ERBB4: variants seen among roughly 807,000 people sequenced by gnomAD.
ERBB4 encodes the protein erb-b2 receptor tyrosine kinase 4.
Under a neutral mutation model 158.0 loss-of-function variants are expected in ERBB4, and 42 were observed. The observed-to-expected ratio is 0.27, with a 90% confidence interval of 0.21 to 0.34. The LOEUF is 0.34. Among genes scored for constraint, ERBB4 ranks in the 10% least tolerant of loss-of-function variants. ERBB4 has a pLI of 1.00. For missense variants in ERBB4, 1,333 were observed against 1,624.1 expected (o/e 0.82, Z 3.08); for synonymous variants, 583 against 558.7 (o/e 1.04, Z -0.61).
chr2:211,848,126 C>T (rs1350457203), intron 3 of ERBB4, among the ~76,000 whole-genome samples: 1 of 151,930 alleles, frequency 6.6e-6, no homozygotes, highest in African/African-American at 2.4e-5. Flanking sequence ...GCCTGTTTGT[C>T]CCAAGTTATT....
At chr2:212,011,796 C>T (rs2070241034) in intron 2 of ERBB4, among the ~76,000 whole-genome samples, 1 of 151,502 alleles carries the variant, frequency 6.6e-6, no homozygotes, top group African/African-American at 2.4e-5. Context: ...ATGTGAACTT[C>T]CTTCAGAAGG....
chr2:212,087,012 C>T (rs2078634901), intron 2 of ERBB4, among the ~76,000 whole-genome samples: 1 of 151,998 alleles, frequency 6.6e-6, no homozygotes, highest in Non-Finnish European at 1.5e-5. Context: ...CTAGTCACAT[C>T]CACTTATATT....
intron 2 of ERBB4, among the ~76,000 whole-genome samples, chr2:212,022,544 G>C (rs1263101240): frequency 1.3e-5 from 2 of 151,980 alleles, no homozygotes; most frequent in Non-Finnish European, 2.9e-5. Context: ...GGAGTGTAGA[G>C]TGGGGAGAGC....
intron 17 of ERBB4, among the ~76,000 whole-genome samples, chr2:211,629,360 A>G (rs2070005309): frequency 6.6e-6 from 1 of 151,718 alleles, no homozygotes; most frequent in African/African-American, 2.4e-5. Flanking sequence ...GACCTCTTCA[A>G]GGAGATCTAC....
chr2:212,221,494 C>T (rs2083289086), intron 1 of ERBB4, among the ~76,000 whole-genome samples: 1 of 151,482 alleles, frequency 6.6e-6, no homozygotes, highest in Non-Finnish European at 1.5e-5. Context: ...AGACATCTCA[C>T]TGAGTTTCAG....
intron 2 of ERBB4, among the ~76,000 whole-genome samples, chr2:211,973,777 C>A (rs1292004307): frequency 6.6e-6 from 1 of 152,110 alleles, no homozygotes; most frequent in African/African-American, 2.4e-5. Context: ...ATAGCACATG[C>A]ATGTGTATGT....
rs2062548970 is a variant in ERBB4 at position 211,380,051 on chromosome 2, T to G, written c.*3564A>C. The G allele has an allele frequency of 8.6e-6, 2 of 231,972 alleles. No individual in the cohort carries two copies. The highest frequency in any genetic ancestry group is 1.8e-4 in the South Asian group (1 of 5,522). 14.4% of individuals were successfully genotyped at this position (231,972 alleles called of 1,614,324 possible). ...TATAACACTTAAACACTATTCCTTCTCTTAAATTAGATATTCAGTCCTTCT... is the reference window on the plus strand; with the variant it reads ...TATAACACTTAAACACTATTCCTTCGCTTAAATTAGATATTCAGTCCTTCT... On this transcript the variant is annotated 3_prime_UTR_variant, in exon 28 of 28. Coordinates refer to ENST00000342788, the MANE Select transcript of ERBB4 (RefSeq NM_005235.3).
chr2:212,296,657 C>T (rs1027559603), intron 1 of ERBB4, among the ~76,000 whole-genome samples: 2 of 151,938 alleles, frequency 1.3e-5, no homozygotes, highest in Non-Finnish European at 2.9e-5. Context: ...ACCCTCTGGA[C>T]TGCATCTTGT....
At chr2:212,225,238 A>C (rs1445104189) in intron 1 of ERBB4, among the ~76,000 whole-genome samples, 1 of 152,108 alleles carries the variant, frequency 6.6e-6, no homozygotes, top group African/African-American at 2.4e-5. Context: ...TAAAATTAGA[A>C]AGTGAAAAAT....
chr2:211,990,523 A>T (rs61184677), intron 2 of ERBB4, among the ~76,000 whole-genome samples: 12,188 of 134,422 alleles, frequency 0.091, 717 homozygotes, highest in Admixed American at 0.18. Flanking sequence ...AATAAAAATA[A>T]AAATAAATAA....
chr2:211,814,459 A>G (rs2076832966), intron 3 of ERBB4, among the ~76,000 whole-genome samples: 1 of 152,170 alleles, frequency 6.6e-6, no homozygotes, highest in East Asian at 1.9e-4. Context: ...CTAATATTGT[A>G]GCAAATTGCA....
At chr2:212,069,882 C>T (rs181206458) in intron 2 of ERBB4, among the ~76,000 whole-genome samples, 38 of 151,948 alleles carry the variant, frequency 2.5e-4, no homozygotes, top group African/African-American at 9.2e-4. Flanking sequence ...CTTTGGGAGG[C>T]TGAGGTGAGA....
intron 19 of ERBB4, among the ~76,000 whole-genome samples, chr2:211,580,906 T>C (rs1266025217): frequency 0.15 from 283 of 1,926 alleles, 61 homozygotes; most frequent in Middle Eastern, 0.5. Flanking sequence ...TATATATATA[T>C]ATATATATAT....
At chr2:211,939,140 A>G (rs538078969) in intron 3 of ERBB4, among the ~76,000 whole-genome samples, 5 of 152,310 alleles carry the variant, frequency 3.3e-5, no homozygotes, top group Admixed American at 6.5e-5. Context: ...TACAGCCTTA[A>G]GACCTATTGC....
chr2:212,475,090 C>T (rs1689318677), intron 1 of ERBB4, among the ~76,000 whole-genome samples: 1 of 152,096 alleles, frequency 6.6e-6, no homozygotes, highest in Non-Finnish European at 1.5e-5. Flanking sequence ...GCGTCAATAT[C>T]ACCTAAGCCC....
intron 3 of ERBB4, among the ~76,000 whole-genome samples, chr2:211,907,027 C>T (rs2079412948): frequency 2.0e-5 from 3 of 151,638 alleles, no homozygotes; most frequent in South Asian, 4.1e-4. Context: ...GACCTTTTTT[C>T]CATTCCAGCC....
intron 4 of ERBB4, among the ~76,000 whole-genome samples, chr2:211,773,598 TTATATATA>T (rs1171015959): frequency 0.016 from 464 of 29,730 alleles, 5 homozygotes; most frequent in East Asian, 0.093. Context: ...TTCTGTAACT[TTATATATA>T]TATATATATA....
At chr2:211,939,984 T>TATAGATAGAAAG (rs2080445296) in intron 3 of ERBB4, among the ~76,000 whole-genome samples, 10 of 141,474 alleles carry the variant, frequency 7.1e-5, no homozygotes, top group Non-Finnish European at 1.1e-4. Context: ...TATATATGTA[T>TATAGATAGAAAG]ATAGATAGAT....
At chr2:212,144,017 T>C (rs1462810747) in intron 1 of ERBB4, among the ~76,000 whole-genome samples, 4 of 135,856 alleles carry the variant, frequency 2.9e-5, no homozygotes, top group South Asian at 2.2e-4. Context: ...AGACTTCATC[T>C]CAAAAAAAAA....
Sources: gnomAD v4.1 joint callset for allele counts (sites outside exome capture counted in the v4.1 genomes callset) on GRCh38, gnomAD v4.1.1 for gene constraint, MANE v1.5 for transcripts, NCBI Gene and HGNC (gene_info 2026-07-23, HGNC 2026-07-21) for gene names.